CDK6: variants seen among roughly 807,000 people sequenced by gnomAD.
CDK6 encodes the protein cyclin dependent kinase 6.
In CDK6, 6 loss-of-function variants were observed where a neutral mutation model predicts 37.1. The ratio of observed to expected loss-of-function variants is 0.16; its 90% confidence interval spans 0.09 to 0.32. The LOEUF is 0.32. Ranked by LOEUF, CDK6 falls within the 10% of genes least tolerant of loss-of-function variation. The pLI is 1.00. For synonymous variants in CDK6, 160 were observed against 161.3 expected (o/e 0.99, Z 0.06); for missense variants, 224 against 418.9 (o/e 0.53, Z 4.06).
rs937939229 is a variant in CDK6 at position 92,609,027 on chromosome 7, T to C, written c.*6113A>G. ...GGGGCTTTAACTGGACTCTAGTTCC[T>C]GGGAGCAGAGGGGCGAATGAGGCGG... On this transcript the variant is annotated 3_prime_UTR_variant, in exon 8 of 8. Coordinates refer to ENST00000424848, the MANE Select transcript of CDK6 (RefSeq NM_001145306.2). 2.6e-5 allele frequency: 6 copies of C among 233,376 alleles called. No homozygotes were observed. Among genetic ancestry groups the C allele is most frequent in the African/African-American group, 1.3e-4 (6 of 45,346 alleles). The allele number at this position is 233,376 out of a possible 1,614,324, so 14.5% of individuals were successfully genotyped here. A position where few individuals can be genotyped will look rare whatever the true frequency, so the allele number is the denominator to read the frequency against.
chr7:92,825,044 A>G (rs974221030), intron 2 of CDK6, among the ~76,000 whole-genome samples: 1 of 152,136 alleles, frequency 6.6e-6, no homozygotes, highest in African/African-American at 2.4e-5. Context: ...CTAGTACAAT[A>G]AAACTCCACA....
At chr7:92,773,035 G>A (rs1332420130) in intron 3 of CDK6, among the ~76,000 whole-genome samples, 7 of 152,006 alleles carry the variant, frequency 4.6e-5, no homozygotes, top group East Asian at 1.9e-4. Flanking sequence ...TATGTTTAAA[G>A]CCTTTGAAAG....
chr7:92,718,682 C>T (rs2116696014), intron 4 of CDK6, among the ~76,000 whole-genome samples: 1 of 152,278 alleles, frequency 6.6e-6, no homozygotes, highest in East Asian at 1.9e-4. Context: ...TGCTGGTGAC[C>T]TCTTTAAGCA....
At chr7:92,799,430 T>C (rs538634270) in intron 2 of CDK6, among the ~76,000 whole-genome samples, 24 of 152,204 alleles carry the variant, frequency 1.6e-4, no homozygotes, top group Non-Finnish European at 3.1e-4. Context: ...TTCTCTTGTG[T>C]CTGCTTTTCT....
At chr7:92,734,987 G>C (rs1440781326) in intron 3 of CDK6, among the ~76,000 whole-genome samples, 2 of 152,176 alleles carry the variant, frequency 1.3e-5, no homozygotes, top group Non-Finnish European at 2.9e-5. Context: ...CTTGGGGTAG[G>C]ACTAGCTTAA....
At chr7:92,759,161 T>C (rs1452873313) in intron 3 of CDK6, among the ~76,000 whole-genome samples, 1 of 152,186 alleles carries the variant, frequency 6.6e-6, no homozygotes, top group Non-Finnish European at 1.5e-5. Context: ...TTCTTCATGC[T>C]TCCTTAGGTC....
intron 3 of CDK6, among the ~76,000 whole-genome samples, chr7:92,738,464 A>G (rs911664134): frequency 2.0e-5 from 3 of 152,084 alleles, no homozygotes; most frequent in African/African-American, 7.2e-5. Context: ...ACATGGTAAA[A>G]TCCTGTCTCT....
At chr7:92,618,659 G>A (rs1202648332) in intron 6 of CDK6, among the ~76,000 whole-genome samples, 2 of 152,112 alleles carry the variant, frequency 1.3e-5, no homozygotes, top group Non-Finnish European at 2.9e-5. Context: ...ATCCAACATG[G>A]TTTATTAACA....
At chr7:92,643,905 A>G (rs1026605858) in intron 5 of CDK6, among the ~76,000 whole-genome samples, 4 of 152,246 alleles carry the variant, frequency 2.6e-5, no homozygotes, top group African/African-American at 9.6e-5. Flanking sequence ...AGTTCATCCA[A>G]GTGTACTATT....
chr7:92,671,633 A>G (rs1797073310), intron 4 of CDK6, 98 bp from the exon 5 acceptor site: 1 of 574,668 alleles, frequency 1.7e-6, no homozygotes, highest in Non-Finnish European at 3.0e-6. Context: ...GTAGTTCAGA[A>G]AGAACTCCTA....
chr7:92,809,170 T>G (rs768625402), intron 2 of CDK6, among the ~76,000 whole-genome samples: 2 of 152,184 alleles, frequency 1.3e-5, no homozygotes, highest in Non-Finnish European at 2.9e-5. Context: ...GTTTTTAAAT[T>G]GTTTCATAAA....
chr7:92,675,146 CTGAT>C (rs932422714), intron 4 of CDK6, among the ~76,000 whole-genome samples: 5 of 152,164 alleles, frequency 3.3e-5, no homozygotes, highest in African/African-American at 1.2e-4. Context: ...AAACTGGTTT[CTGAT>C]TGATTACCCA....
chr7:92,671,808 T>C (rs945352519), intron 4 of CDK6, among the ~76,000 whole-genome samples: 1 of 151,780 alleles, frequency 6.6e-6, no homozygotes, highest in African/African-American at 2.4e-5. Flanking sequence ...ACCAAAAAAA[T>C]TTTTTTTAAA....
rs892337877 is a variant in CDK6, at chr7:92,834,776, C to T, written c.-367-1086G>A. ...GCGAACCTTTTCCCATTCCCAGGAC[C>T]TCCCCGCTGTAGGTAGCAGAGGTGG... On this transcript the variant is annotated intron_variant, in intron 1 of 7. Coordinates refer to ENST00000424848, the MANE Select transcript of CDK6 (RefSeq NM_001145306.2). This position sits in a 1 kb window ranked among gnomAD's most constrained non-coding sequence, Gnocchi z 4.6. 4.6e-5 allele frequency among the ~76,000 whole-genome samples: 7 copies of T among 152,104 alleles called. No individual in the cohort carries two copies. The highest frequency in any genetic ancestry group is 8.8e-5 in the Non-Finnish European group (6 of 67,998).
In CDK6 at chr7:92,773,361, C is replaced by T. The variant is rs116783864; in HGVS notation, c.369+1335G>A. Among the ~76,000 whole-genome samples the T allele has an allele frequency of 2.0e-3, 302 of 152,260 alleles. 1 individual carries two copies. Among genetic ancestry groups the T allele is most frequent in the African/African-American group, 7.0e-3 (289 of 41,554 alleles). ...TGGTGAGAAGGAGCAAAAGAAATGG[C>T]ATGAGAAGGAAGGCCACCAAGGTGG... is the stretch of plus-strand genomic sequence containing the variant. On this transcript the variant is annotated intron_variant, in intron 3 of 7. Coordinates refer to ENST00000424848, the MANE Select transcript of CDK6 (RefSeq NM_001145306.2).
At chr7:92,734,182 T>C (rs1470042931) in intron 3 of CDK6, among the ~76,000 whole-genome samples, 2 of 152,220 alleles carry the variant, frequency 1.3e-5, no homozygotes, top group Admixed American at 6.5e-5. Context: ...TCAAGTCTTG[T>C]TCTGGGCTCC....
chr7:92,645,254 C>T (rs889137583), intron 5 of CDK6, among the ~76,000 whole-genome samples: 1 of 152,162 alleles, frequency 6.6e-6, no homozygotes, highest in Non-Finnish European at 1.5e-5. Context: ...AATGAAATGC[C>T]AAAGAAATGG....
intron 4 of CDK6, chr7:92,710,742 C>A: frequency 5.1e-6 from 5 of 985,334 alleles, no homozygotes; most frequent in Non-Finnish European, 6.0e-6. Flanking sequence ...TTGTTATGAT[C>A]TGTTTCTACT....
chr7:92,761,596 T>C (rs972928388), intron 3 of CDK6, among the ~76,000 whole-genome samples: 2 of 152,208 alleles, frequency 1.3e-5, no homozygotes, highest in Admixed American at 6.5e-5. Context: ...AAATAATGTG[T>C]GCCTTTGTTT....
Sources: gnomAD v4.1 joint callset for allele counts (sites outside exome capture counted in the v4.1 genomes callset) on GRCh38, gnomAD v4.1.1 for gene constraint, Gnocchi (gnomAD v3.1) non-coding constraint, MANE v1.5 for transcripts, NCBI Gene and HGNC (gene_info 2026-07-23, HGNC 2026-07-21) for gene names.